Variants in ST6GALNAC3 observed in about 807,000 individuals in gnomAD.
ST6GALNAC3 encodes the protein ST6 N-acetylgalactosaminide alpha-2,6-sialyltransferase 3, also known as alpha-N-acetylgalactosaminide alpha-2,6-sialyltransferase 3.
Under a neutral mutation model 32.7 loss-of-function variants are expected in ST6GALNAC3, and 25 were observed. The observed-to-expected ratio is 0.76, with a 90% CI of 0.56 to 1.07. The LOEUF is 1.07. Ranked by LOEUF, ST6GALNAC3 falls within the 50% of genes least tolerant of loss-of-function variation. The pLI is 0.00. For missense variants in ST6GALNAC3, 355 were observed against 382.4 expected (o/e 0.93, Z 0.60); for synonymous variants, 129 against 133.1 (o/e 0.97, Z 0.21).
chr1:76,119,053 C>T lies in ST6GALNAC3; in HGVS notation c.18+44169C>T, dbSNP rs139713344. Among the ~76,000 whole-genome samples the T allele has an allele frequency of 3.3e-3, 509 of 152,300 alleles. 4 individuals carry two copies. The highest frequency in any genetic ancestry group is 0.012 in the African/African-American group (485 of 41,560). On this transcript the variant is annotated intron_variant, in intron 1 of 4. Coordinates refer to ENST00000328299, the MANE Select transcript of ST6GALNAC3 (RefSeq NM_152996.4). ...GGTCAGGCTGGTCTCGATCTCCTGA[C>T]CTTGTGATCCACCCACCACGACCTC... is the stretch of plus-strand genomic sequence containing the variant.
At chr1:76,466,088 A>G (rs943679461) in intron 3 of ST6GALNAC3, among the ~76,000 whole-genome samples, 1 of 152,106 alleles carries the variant, frequency 6.6e-6, no homozygotes, top group Non-Finnish European at 1.5e-5. Context: ...GTCATAACAA[A>G]CATTTCTCCC....
intron 1 of ST6GALNAC3, among the ~76,000 whole-genome samples, chr1:76,100,676 C>T (rs1389345937): frequency 2.6e-5 from 4 of 151,896 alleles, no homozygotes; most frequent in African/African-American, 4.8e-5. Context: ...TTTTGGTTAT[C>T]GAGGTTATGC....
chr1:76,187,542 T>C (rs543699316), intron 1 of ST6GALNAC3, among the ~76,000 whole-genome samples: 1 of 152,334 alleles, frequency 6.6e-6, no homozygotes, highest in East Asian at 1.9e-4. Flanking sequence ...CAGCTATGTT[T>C]ACTACAAGTG....
intron 1 of ST6GALNAC3, among the ~76,000 whole-genome samples, chr1:76,166,377 G>T (rs1341825160): frequency 6.6e-6 from 1 of 152,016 alleles, no homozygotes; most frequent in Non-Finnish European, 1.5e-5. Flanking sequence ...TTTTGTACCA[G>T]TACTATGCTG....
At chr1:76,108,295 C>A (rs931981051) in intron 1 of ST6GALNAC3, among the ~76,000 whole-genome samples, 2 of 152,174 alleles carry the variant, frequency 1.3e-5, no homozygotes, top group African/African-American at 4.8e-5. Flanking sequence ...GAGCCACCAA[C>A]CCTTTTATTG....
At chr1:76,470,076 G>T (rs1173093292) in intron 3 of ST6GALNAC3, among the ~76,000 whole-genome samples, 4 of 152,008 alleles carry the variant, frequency 2.6e-5, no homozygotes, top group South Asian at 2.1e-4. Context: ...GAAGAAAATG[G>T]TGAAAGTTTA....
chr1:76,211,607 T>TAA (rs145780362), intron 1 of ST6GALNAC3, among the ~76,000 whole-genome samples: 1 of 151,862 alleles, frequency 6.6e-6, no homozygotes, highest in Non-Finnish European at 1.5e-5. Flanking sequence ...TATGCAGCCA[T>TAA]AAAAATGATG....
intron 3 of ST6GALNAC3, among the ~76,000 whole-genome samples, chr1:76,428,209 C>A (rs1655523528): frequency 1.3e-5 from 2 of 152,016 alleles, no homozygotes; most frequent in Admixed American, 1.3e-4. Flanking sequence ...TACTTCCTGA[C>A]ATACAACCCT....
chr1:76,348,652 C>T (rs956240924), intron 2 of ST6GALNAC3, among the ~76,000 whole-genome samples: 6 of 152,084 alleles, frequency 3.9e-5, no homozygotes, highest in Admixed American at 6.6e-5. Flanking sequence ...CCAGACAGAA[C>T]GATCATATAT....
At chr1:76,268,105 G>A (rs1436871155) in intron 1 of ST6GALNAC3, among the ~76,000 whole-genome samples, 4 of 152,186 alleles carry the variant, frequency 2.6e-5, no homozygotes, top group Admixed American at 6.5e-5. Context: ...CATTATTGAT[G>A]TGATGAGCTC....
At chr1:76,316,571 C>T (rs774360068) in intron 2 of ST6GALNAC3, among the ~76,000 whole-genome samples, 52 of 151,386 alleles carry the variant, frequency 3.4e-4, no homozygotes, top group African/African-American at 5.1e-4. Flanking sequence ...ACATATACAA[C>T]GGTAAACTAA....
intron 3 of ST6GALNAC3, among the ~76,000 whole-genome samples, chr1:76,461,853 G>A (rs1055115271): frequency 1.4e-4 from 21 of 152,226 alleles, no homozygotes; most frequent in Admixed American, 9.2e-4. Flanking sequence ...GAAAGACTGG[G>A]GCTTAAGTAG....
intron 2 of ST6GALNAC3, among the ~76,000 whole-genome samples, chr1:76,388,224 T>C (rs902869606): frequency 6.6e-6 from 1 of 152,228 alleles, no homozygotes; most frequent in Non-Finnish European, 1.5e-5. Context: ...GAAATAGTCT[T>C]TGGACGGTCA....
At position 76,357,432 on chromosome 1, in the gene ST6GALNAC3, A is replaced by T. The variant is rs935794922; in HGVS notation, c.213+43433A>T. The stretch of plus-strand genomic sequence containing the variant: ...TGGTTTTCCAACCTTATTTCCTAGC[A>T]CTCATCTTCACATCCTTCCACATGT... On this transcript the variant is annotated intron_variant, in intron 2 of 4. Coordinates refer to ENST00000328299, the MANE Select transcript of ST6GALNAC3 (RefSeq NM_152996.4). Among the ~76,000 whole-genome samples, 5 of 151,402 alleles carry T rather than the reference A, an allele frequency of 3.3e-5. No individual in the cohort carries two copies. In the South Asian group the frequency reaches 1.0e-3, roughly 32 times the overall value.
chr1:76,164,793 T>G (rs1191713670), intron 1 of ST6GALNAC3, among the ~76,000 whole-genome samples: 1 of 152,068 alleles, frequency 6.6e-6, no homozygotes, highest in Non-Finnish European at 1.5e-5. Flanking sequence ...CTGATGTTAG[T>G]CAATGCCAAA....
chr1:76,581,821 C>A (rs1646896037), intron 3 of ST6GALNAC3, among the ~76,000 whole-genome samples: 1 of 152,012 alleles, frequency 6.6e-6, no homozygotes, highest in South Asian at 2.1e-4. Context: ...ATCTGCATTT[C>A]CAGTAGTCTC....
chr1:76,412,321 C>T lies in ST6GALNAC3; in HGVS notation c.527C>T (p.Thr176Ile). The T allele has an allele frequency of 6.2e-7, 1 of 1,613,544 alleles. No individual in the cohort carries two copies. The highest frequency in any genetic ancestry group is 8.5e-7 in the Non-Finnish European group (1 of 1,179,772). Residue 176 changes from threonine to isoleucine, a missense_variant, in exon 3 of 5, where the codon ACA becomes ATA. Thr to Ile is a moderately conservative substitution (Grantham distance 89). Transcript: ENST00000328299. ...NGIVYNMLKK[T>I]VGIYPNAQIY... ...ATCGTTTACAACATGTTGAAAAAGACAGTTGGTATCTATCCGAATGCCCAA... is the reference window on the plus strand; with the variant it reads ...ATCGTTTACAACATGTTGAAAAAGATAGTTGGTATCTATCCGAATGCCCAA...
chr1:76,582,618 T>C (rs1267403282), intron 3 of ST6GALNAC3, among the ~76,000 whole-genome samples: 2 of 152,232 alleles, frequency 1.3e-5, no homozygotes, highest in Non-Finnish European at 2.9e-5. Flanking sequence ...CTACCTCTAC[T>C]GACAAGGAGT....
intron 3 of ST6GALNAC3, among the ~76,000 whole-genome samples, chr1:76,606,699 G>C (rs1360650059): frequency 6.7e-6 from 1 of 150,180 alleles, no homozygotes; most frequent in African/African-American, 2.5e-5. Flanking sequence ...TGCATGTCCT[G>C]CACATGTACC....
Sources: gnomAD v4.1 joint callset for allele counts (sites outside exome capture counted in the v4.1 genomes callset) on GRCh38, gnomAD v4.1.1 for gene constraint, MANE v1.5 for transcripts, NCBI Gene and HGNC (gene_info 2026-07-23, HGNC 2026-07-21) for gene names.